SASS6: variants seen among roughly 807,000 people sequenced by gnomAD.
SASS6 encodes the protein SAS-6 centriolar assembly protein.
SASS6 carries 59 observed loss-of-function variants against 94.9 expected under a neutral mutation model. That is an observed-to-expected ratio of 0.62 (90% CI 0.50 to 0.77). The LOEUF (loss-of-function observed/expected upper bound fraction) is 0.77. Ranked by LOEUF, SASS6 falls within the 30% of genes least tolerant of loss-of-function variation. The pLI, the probability that SASS6 is intolerant of heterozygous loss-of-function variation, is 0.00. For synonymous variants in SASS6, 264 were observed against 270.0 expected (o/e 0.98, Z 0.22); for missense variants, 698 against 734.1 (o/e 0.95, Z 0.57).
chr1:100,129,117 G>GA (rs1557897790), intron 1 of SASS6, among the ~76,000 whole-genome samples: 1 of 152,018 alleles, frequency 6.6e-6, no homozygotes, highest in African/African-American at 2.4e-5. Flanking sequence ...GTGCATGCCT[G>GA]TAGTTTCATG....
intron 5 of SASS6, among the ~76,000 whole-genome samples, chr1:100,121,019 C>T (rs1455247634): frequency 7.2e-6 from 1 of 139,824 alleles, no homozygotes; most frequent in African/African-American, 2.7e-5. Context: ...CACTGCACTC[C>T]AGCCTGGGCG....
intron 13 of SASS6, among the ~76,000 whole-genome samples, chr1:100,104,783 TAAA>T (rs546359132): frequency 2.4e-4 from 30 of 127,254 alleles, no homozygotes; most frequent in Admixed American, 3.2e-4. Context: ...TTTCTCAGGT[TAAA>T]AAAAAAAAAA....
chr1:100,132,272 A>C (rs1432969026), intron 1 of SASS6, among the ~76,000 whole-genome samples: 1 of 152,194 alleles, frequency 6.6e-6, no homozygotes, highest in Non-Finnish European at 1.5e-5. Context: ...GTGAAGAGCC[A>C]AAGTACGCCA....
chr1:100,121,480 C>T lies in SASS6; in HGVS notation c.381G>A (p.Glu127=), dbSNP rs1654188787. Residue 127 remains glutamate, a synonymous_variant, in exon 5 of 17, where the codon GAG becomes GAA. Coordinates refer to ENST00000287482, the MANE Select transcript of SASS6 (RefSeq NM_194292.3). ...GTGTAAGATGCTTAAAAGGATTTGT[C>T]TCTACCACATTTAAAAATGCAGGTG... ...DNSPAFLNVV[E]TNPFKHLTHL... is the part of the protein sequence containing the mutation. 2 of 1,598,186 alleles carry T rather than the reference C, an allele frequency of 1.3e-6. No homozygotes were observed. Among genetic ancestry groups the T allele is most frequent in the Non-Finnish European group, 1.7e-6 (2 of 1,168,498 alleles).
intron 10 of SASS6, 36 bp from the exon 11 acceptor site, chr1:100,107,589 T>C (rs754718729): frequency 1.9e-6 from 3 of 1,556,108 alleles, no homozygotes; most frequent in South Asian, 2.4e-5. Context: ...TTCTATGTAA[T>C]TTAATGAAAT....
chr1:100,131,133 T>C (rs1053530458), intron 1 of SASS6, among the ~76,000 whole-genome samples: 2 of 152,132 alleles, frequency 1.3e-5, no homozygotes, highest in Admixed American at 1.3e-4. Context: ...TGTTGTCCAA[T>C]GGAGATACAA....
chr1:100,083,917 A>G lies in SASS6; in HGVS notation c.*1411T>C, dbSNP rs1352247170. 2 of 142,952 alleles carry G rather than the reference A, an allele frequency of 1.4e-5. No individual in the cohort carries two copies. Among genetic ancestry groups the G allele is most frequent in the African/African-American group, 6.1e-5 (2 of 32,952 alleles). 8.9% of individuals were successfully genotyped at this position (142,952 alleles called of 1,614,324 possible). ...TAGTATTTACAACAAAGCCCCTTCC[A>G]TAGTATTTACAATAAAGCTCCTTCC... On this transcript the variant is annotated 3_prime_UTR_variant, in exon 17 of 17. Coordinates refer to ENST00000287482, the MANE Select transcript of SASS6 (RefSeq NM_194292.3).
chr1:100,097,921 G>C (rs1652221395), intron 14 of SASS6, among the ~76,000 whole-genome samples: 1 of 152,160 alleles, frequency 6.6e-6, no homozygotes, highest in South Asian at 2.1e-4. Flanking sequence ...AGTGACAGCT[G>C]ATCAGTAGTT....
Position 100,088,256 on chromosome 1 carries a change from C to T in SASS6, c.1675-20G>A. On this transcript the variant is annotated intron_variant, in intron 14 of 16. Coordinates refer to ENST00000287482, the MANE Select transcript of SASS6 (RefSeq NM_194292.3). ...CTGAACCTGTGAGAAGGAAAAACATCTCATGTAACTGAGTTATATAGAAGT... is the reference window on the plus strand; with the variant it reads ...CTGAACCTGTGAGAAGGAAAAACATTTCATGTAACTGAGTTATATAGAAGT... 1 of 1,188,870 alleles carries T rather than the reference C, an allele frequency of 8.4e-7. No homozygotes were observed. The highest frequency in any genetic ancestry group is 1.3e-6 in the Non-Finnish European group (1 of 793,520). 73.6% of individuals were successfully genotyped at this position (1,188,870 alleles called of 1,614,324 possible). A position where few individuals can be genotyped will look rare whatever the true frequency, so the allele number is the denominator to read the frequency against.
In SASS6 at chr1:100,123,260, C is replaced by T. The variant is rs1333901750; in HGVS notation, c.156G>A (p.Thr52=). The change falls in exon 3 of 17, where the codon ACG becomes ACA. Residue 52 remains threonine (T), a synonymous_variant. Coordinates refer to ENST00000287482, the MANE Select transcript of SASS6 (RefSeq NM_194292.3). ...KDLVIRLTDD[T]DPFFLYNLVI... is the part of the protein sequence containing the mutation. Reference sequence around the variant, plus strand: ...CAAGGTTATATAAAAAAAATGGATCCGTGTCATCAGTCAGACGAATAACTA... The same window carrying T: ...CAAGGTTATATAAAAAAAATGGATCTGTGTCATCAGTCAGACGAATAACTA... 2 of 1,560,564 alleles carry T rather than the reference C, an allele frequency of 1.3e-6. No individual in the cohort carries two copies. The highest frequency in any genetic ancestry group is 1.8e-6 in the Non-Finnish European group (2 of 1,140,138).
chr1:100,123,690 T>C (rs1396247130), intron 2 of SASS6, among the ~76,000 whole-genome samples: 1 of 152,220 alleles, frequency 6.6e-6, no homozygotes. Flanking sequence ...ATTTCAAAAG[T>C]GGCAAATATA....
At chr1:100,118,785 T>C (rs946032340) in intron 7 of SASS6, among the ~76,000 whole-genome samples, 1 of 152,034 alleles carries the variant, frequency 6.6e-6, no homozygotes, top group South Asian at 2.1e-4. Context: ...AAACAAATAT[T>C]TATAAATTAC....
intron 11 of SASS6, 131 bp from the exon 12 acceptor site, chr1:100,107,124 T>G: frequency 1.6e-6 from 1 of 607,930 alleles, no homozygotes; most frequent in Non-Finnish European, 2.9e-6. Flanking sequence ...AATAAAGGAA[T>G]TAGCTCAATT....
At chr1:100,118,316 A>T (rs199551403) in intron 7 of SASS6, among the ~76,000 whole-genome samples, 3 of 488 alleles carry the variant, frequency 6.1e-3, no homozygotes, top group Non-Finnish European at 0.018. Flanking sequence ...ACTTTGTCTC[A>T]AAAAAAAAAA....
Position 100,106,900 on chromosome 1 carries a change from T to TAAC in SASS6, c.1408+9_1408+11dup, listed in dbSNP as rs756651753. Reference sequence around the variant, plus strand: ...TACAAACCTCATTTACATTAACACGTAACATACTTACACTTTTCATTATTT... The same window carrying TAAC: ...TACAAACCTCATTTACATTAACACGTAACAACATACTTACACTTTTCATTATTT... On this transcript the variant is annotated intron_variant, in intron 12 of 16. Coordinates refer to ENST00000287482, the MANE Select transcript of SASS6 (RefSeq NM_194292.3). The TAAC allele has an allele frequency of 9.0e-5, 97 of 1,081,790 alleles. No individual in the cohort carries two copies. In the African/African-American group the frequency reaches 1.4e-3, roughly 15 times the overall value. 67.0% of individuals were successfully genotyped at this position (1,081,790 alleles called of 1,614,324 possible).
At chr1:100,120,510 G>T in intron 5 of SASS6, 51 bp from the exon 6 acceptor site, 1 of 826,660 alleles carries the variant, frequency 1.2e-6, no homozygotes. Context: ...ATCATCTATA[G>T]CCATGCTACT....
chr1:100,108,335 C>T lies in SASS6; in HGVS notation c.862-331G>A, dbSNP rs2658646. Among the ~76,000 whole-genome samples the T allele has an allele frequency of 9.2e-3, 1,394 of 152,000 alleles. 23 individuals carry two copies. Among genetic ancestry groups the T allele is most frequent in the African/African-American group, 0.032 (1,344 of 41,484 alleles). Reference sequence around the variant, plus strand: ...TCCAAGGGTAACCACGGGTGAGAGCCGCCACAATGTAGACTTAACATTTTT... The same window carrying T: ...TCCAAGGGTAACCACGGGTGAGAGCTGCCACAATGTAGACTTAACATTTTT... On this transcript the variant is annotated intron_variant, in intron 8 of 16. Transcript: ENST00000287482.
intron 11 of SASS6, 94 bp downstream of exon 11, chr1:100,107,279 AC>A (rs935618223): frequency 1.0e-5 from 8 of 767,244 alleles, no homozygotes; most frequent in Admixed American, 8.6e-5. Context: ...AAAAAAAAAA[AC>A]AAGACCAAAG....
At chr1:100,122,300 G>A (rs550625910) in intron 4 of SASS6, 80 bp downstream of exon 4, 10 of 640,756 alleles carry the variant, frequency 1.6e-5, no homozygotes, top group South Asian at 1.4e-4. Flanking sequence ...AAACGGAAAA[G>A]ATTTTGCCAT....
Sources: gnomAD v4.1 joint callset for allele counts (sites outside exome capture counted in the v4.1 genomes callset) on GRCh38, gnomAD v4.1.1 for gene constraint, MANE v1.5 for transcripts, NCBI Gene and HGNC (gene_info 2026-07-23, HGNC 2026-07-21) for gene names.